The following AFF3 variants were observed in gnomAD, a reference collection of about 807,000 sequenced individuals.
AFF3 encodes ALF transcription elongation factor 3.
A neutral mutation model predicts 129.7 loss-of-function variants in AFF3; 32 were observed. The observed-to-expected ratio is 0.25, with a 90% CI of 0.19 to 0.33. The LOEUF (loss-of-function observed/expected upper bound fraction) is 0.33. AFF3 is among the 10% of genes least tolerant of loss of function. AFF3 has a pLI of 1.00. For synonymous variants in AFF3, 644 were observed against 635.4 expected, an observed-to-expected ratio of 1.01 and a Z score of -0.20; for missense variants, 1,373 against 1,592.0, an observed-to-expected ratio of 0.86 and a Z score of 2.34.
At chr2:99,825,834 AT>A (rs1688039994) in intron 8 of AFF3, among the ~76,000 whole-genome samples, 1 of 152,056 alleles carries the variant, frequency 6.6e-6, no homozygotes, top group Admixed American at 6.6e-5. Context: ...ATTTGTGCCA[AT>A]TGTACAATGT....
At position 100,068,025 on chromosome 2, in the gene AFF3, A is replaced by T. The variant is rs191649346; in HGVS notation, c.53+36377T>A. On this transcript the variant is annotated intron_variant, in intron 4 of 24. Coordinates refer to ENST00000672756, the MANE Select transcript of AFF3 (RefSeq NM_001386135.1). ...TAGGAGAAAAAATATGTTTGCTTTT[A>T]ATACAGTGGAGGAACTGTTCAGGAA... 9.8e-5 allele frequency among the ~76,000 whole-genome samples: 15 copies of T among 152,332 alleles called. No individual in the cohort carries two copies. The East Asian group carries it at 2.7e-3, about 27-fold the overall frequency.
intron 1 of AFF3, among the ~76,000 whole-genome samples, 200 bp from the exon 2 acceptor site, chr2:100,129,506 G>A (rs918152792): frequency 5.9e-5 from 9 of 151,870 alleles, no homozygotes. Context: ...GGAACCCAAA[G>A]GGGCCTGTGT....
At chr2:99,896,559 AAAT>A (rs1403746676) in intron 7 of AFF3, among the ~76,000 whole-genome samples, 3 of 149,628 alleles carry the variant, frequency 2.0e-5, no homozygotes, top group Non-Finnish European at 4.4e-5. Flanking sequence ...GATTTAAGTG[AAAT>A]GACTCTAAAT....
chr2:99,748,992 T>C (rs1207371789), intron 9 of AFF3, among the ~76,000 whole-genome samples: 1 of 152,218 alleles, frequency 6.6e-6, no homozygotes, highest in East Asian at 1.9e-4. Flanking sequence ...TTTCTGTGTC[T>C]GGCTTAGTTC....
intron 4 of AFF3, among the ~76,000 whole-genome samples, chr2:100,090,670 C>CATAT (rs199722344): frequency 6.7e-6 from 1 of 150,116 alleles, no homozygotes; most frequent in South Asian, 2.1e-4. Flanking sequence ...TACATACATA[C>CATAT]ATATATATAT....
In AFF3 at chr2:100,007,134, G is replaced by C; in HGVS notation, c.487+14C>G. ...CAGATTTGTGCAAATCAAGCAACCT[G>C]TGCCTGTGCTTACTTGCTCTCTGTT... On this transcript the variant is annotated intron_variant, in intron 6 of 24. Transcript: ENST00000672756. 1 of 1,613,358 alleles carries C rather than the reference G, an allele frequency of 6.2e-7. No homozygotes were observed. The highest frequency in any genetic ancestry group is 8.5e-7 in the Non-Finnish European group (1 of 1,179,550).
chr2:99,601,340 G>A lies in AFF3; in HGVS notation c.1371+95C>T. The A allele has an allele frequency of 2.2e-6, 3 of 1,372,148 alleles. No homozygotes were observed. The South Asian group carries it at 4.9e-5, about 22-fold the overall frequency. The allele number at this position is 1,372,148 out of a possible 1,614,324, so 85.0% of individuals were successfully genotyped here. ...GGCTTGGGGTCTGCAGGAGGGAGGA[G>A]ACCTGCAGCAGTGTGACAGTGACAA... On this transcript the variant is annotated intron_variant, in intron 14 of 24. Transcript: ENST00000672756.
chr2:99,568,772 C>T (rs2104666408), intron 19 of AFF3, 80 bp downstream of exon 19: 1 of 1,344,712 alleles, frequency 7.4e-7, no homozygotes, highest in Non-Finnish European at 1.1e-6. Context: ...TTATAATTAC[C>T]CCAGCTATAT....
rs1351506456 is a variant in AFF3 at position 99,582,915 on chromosome 2, G to A, written c.2676C>T (p.Thr892=). 3 of 1,614,024 alleles carry A rather than the reference G, an allele frequency of 1.9e-6. No individual in the cohort carries two copies. The highest frequency in any genetic ancestry group is 2.5e-6 in the Non-Finnish European group (3 of 1,180,032). Residue 892 remains threonine (T), a synonymous_variant, in exon 17 of 25, where the codon ACC becomes ACT. Transcript: ENST00000672756. The part of the protein sequence containing the change: ...PLSDASKHKY[T]SEDLTSSSRP... ...GGCTGGAAGAAGTTAAGTCCTCGCT[G>A]GTGTATTTGTGTTTAGATGCATCAG...
chr2:99,837,914 T>C (rs1019209303), intron 7 of AFF3, among the ~76,000 whole-genome samples: 4 of 152,128 alleles, frequency 2.6e-5, no homozygotes, highest in African/African-American at 7.2e-5. Flanking sequence ...CCACCAAATA[T>C]ATGCCGTGGG....
At chr2:100,133,154 A>G (rs555072024) in intron 1 of AFF3, among the ~76,000 whole-genome samples, 3 of 151,640 alleles carry the variant, frequency 2.0e-5, no homozygotes, top group Non-Finnish European at 2.9e-5. Flanking sequence ...TAATCTCAGC[A>G]CTTTAGGAGG....
At chr2:100,059,296 G>C (rs1265327847) in intron 4 of AFF3, among the ~76,000 whole-genome samples, 1 of 116,416 alleles carries the variant, frequency 8.6e-6, no homozygotes, top group African/African-American at 3.3e-5. Context: ...GATCTCAATA[G>C]ACATTTCTCT....
chr2:100,048,933 C>T (rs923907059), intron 4 of AFF3, among the ~76,000 whole-genome samples: 2 of 152,126 alleles, frequency 1.3e-5, no homozygotes, highest in South Asian at 2.1e-4. Flanking sequence ...AAAGCAAATT[C>T]GGTTTTTTAA....
Position 99,704,408 on chromosome 2 carries a change from C to T in AFF3, c.1091+22669G>A, listed in dbSNP as rs140264893. On this transcript the variant is annotated intron_variant, in intron 11 of 24. Coordinates refer to ENST00000672756, the MANE Select transcript of AFF3 (RefSeq NM_001386135.1). ...AGCCTCCTGGAAGACCTAGCACTAC[C>T]CACGTGGCACTCTGTAGACACTAAC... Among the ~76,000 whole-genome samples, 643 of 152,228 alleles carry T rather than the reference C, an allele frequency of 4.2e-3. 4 individuals carry two copies. The highest frequency in any genetic ancestry group is 0.014 in the Middle Eastern group (4 of 294).
intron 8 of AFF3, among the ~76,000 whole-genome samples, chr2:99,789,296 C>T (rs1685027955): frequency 6.6e-6 from 1 of 151,712 alleles, no homozygotes; most frequent in Admixed American, 6.6e-5. Flanking sequence ...CATGGCAGTG[C>T]ATGTAGCTGG....
rs186347248 is a variant in AFF3, at chr2:99,683,775, C to T, written c.1092-11186G>A. Among the ~76,000 whole-genome samples, 108 of 152,280 alleles carry T rather than the reference C, an allele frequency of 7.1e-4. 2 individuals carry two copies. Among genetic ancestry groups the T allele is most frequent in the East Asian group, 3.7e-3 (19 of 5,180 alleles). ...TTCTTAATTTCTCGACCACCTCCGACGAGCACATTCTAGGTGCCAGAGATA... is the reference window on the plus strand; with the variant it reads ...TTCTTAATTTCTCGACCACCTCCGATGAGCACATTCTAGGTGCCAGAGATA... On this transcript the variant is annotated intron_variant, in intron 11 of 24. Coordinates refer to ENST00000672756, the MANE Select transcript of AFF3 (RefSeq NM_001386135.1).
At chr2:99,889,695 G>C (rs1159176241) in intron 7 of AFF3, among the ~76,000 whole-genome samples, 1 of 152,192 alleles carries the variant, frequency 6.6e-6, no homozygotes, top group Non-Finnish European at 1.5e-5. Flanking sequence ...GTCTCACTCT[G>C]TTGCCCAGGC....
chr2:99,876,009 C>T (rs549599058), intron 7 of AFF3, among the ~76,000 whole-genome samples: 177 of 152,300 alleles, frequency 1.2e-3, no homozygotes, highest in African/African-American at 4.1e-3. Flanking sequence ...GACTATTCCT[C>T]AGGCTTCTAT....
intron 8 of AFF3, among the ~76,000 whole-genome samples, chr2:99,805,333 T>G (rs1195223917): frequency 6.6e-6 from 1 of 152,158 alleles, no homozygotes; most frequent in East Asian, 1.9e-4. Flanking sequence ...GAAGAAACAT[T>G]TTTGAAAAGT....
Sources: gnomAD v4.1 joint callset for allele counts (sites outside exome capture counted in the v4.1 genomes callset) on GRCh38, gnomAD v4.1.1 for gene constraint, MANE v1.5 for transcripts, NCBI Gene and HGNC (gene_info 2026-07-23, HGNC 2026-07-21) for gene names.